Variants in UBAP1 observed in about 807,000 individuals in gnomAD.
The protein encoded by UBAP1 is ubiquitin-associated protein 1.
Under a neutral mutation model 39.0 loss-of-function variants are expected in UBAP1, and 5 were observed. The observed-to-expected ratio is 0.13, with a 90% CI of 0.07 to 0.27. The LOEUF is 0.27. Among genes scored for constraint, UBAP1 ranks in the 10% least tolerant of loss-of-function variants. The probability of loss-of-function intolerance (pLI) is 1.00; values close to 1 mark genes in which losing one functional copy is unlikely to be tolerated. For synonymous variants in UBAP1, 211 were observed against 225.1 expected (o/e 0.94, Z 0.56); for missense variants, 490 against 608.1 (o/e 0.81, Z 2.04).
intron 6 of UBAP1, 103 bp downstream of exon 6, chr9:34,250,862 G>GTGAC: frequency 2.2e-6 from 2 of 904,604 alleles, no homozygotes. Context: ...TGCTTTGCCA[G>GTGAC]TGACTACAGG....
chr9:34,249,983 AG>A, intron 5 of UBAP1, 22 bp downstream of exon 5: 1 of 1,612,566 alleles, frequency 6.2e-7, no homozygotes, highest in Non-Finnish European at 8.5e-7. Context: ...GTCAGCCAGG[AG>A]GGCAGGCTCA....
chr9:34,236,870 A>G (rs1376719847), intron 3 of UBAP1, among the ~76,000 whole-genome samples: 2 of 152,114 alleles, frequency 1.3e-5, no homozygotes, highest in Non-Finnish European at 2.9e-5. Context: ...TAGTCTAGAC[A>G]TAAGGTTATG....
At chr9:34,180,795 C>A (rs928343167) in intron 1 of UBAP1, among the ~76,000 whole-genome samples, 4 of 144,312 alleles carry the variant, frequency 2.8e-5, no homozygotes, top group African/African-American at 1.0e-4. Context: ...GGAAAAAAAA[C>A]TTTTTTTTTT....
chr9:34,234,146 G>C (rs2131607277), intron 2 of UBAP1, 70 bp from the exon 3 acceptor site: 1 of 1,494,722 alleles, frequency 6.7e-7, no homozygotes. Flanking sequence ...ATATCCGTTA[G>C]ACATAAGATT....
intron 2 of UBAP1, among the ~76,000 whole-genome samples, chr9:34,221,356 C>T (rs1049139496): frequency 3.3e-5 from 5 of 151,794 alleles, no homozygotes; most frequent in African/African-American, 7.3e-5. Flanking sequence ...GGTGAAACCC[C>T]GTCTCTACTA....
intron 1 of UBAP1, among the ~76,000 whole-genome samples, chr9:34,209,232 C>A (rs752151360): frequency 1.3e-5 from 2 of 152,130 alleles, no homozygotes; most frequent in African/African-American, 2.4e-5. Context: ...TGAGCCACCA[C>A]GCCTGGCCTG....
intron 5 of UBAP1, among the ~76,000 whole-genome samples, chr9:34,250,222 A>T (rs544945250): frequency 6.6e-6 from 1 of 152,332 alleles, no homozygotes; most frequent in African/African-American, 2.4e-5. Flanking sequence ...CTGCCTCTCC[A>T]AAAGGGGCAG....
chr9:34,183,098 T>C (rs931080149), intron 1 of UBAP1, among the ~76,000 whole-genome samples: 6 of 152,140 alleles, frequency 3.9e-5, no homozygotes, highest in African/African-American at 1.4e-4. Context: ...AGTTATGTTA[T>C]TGAATGTATT....
intron 2 of UBAP1, among the ~76,000 whole-genome samples, chr9:34,233,133 T>G (rs1833513208): frequency 1.3e-5 from 2 of 152,170 alleles, no homozygotes; most frequent in African/African-American, 4.8e-5. Flanking sequence ...TTTGTCGGGT[T>G]TTCCCCTTTT....
intron 1 of UBAP1, among the ~76,000 whole-genome samples, chr9:34,179,449 C>T (rs1027380780): frequency 6.6e-6 from 1 of 151,152 alleles, no homozygotes. Flanking sequence ...GTTGAAGGGG[C>T]GGAGGGGAAG....
intron 2 of UBAP1, 106 bp from the exon 3 acceptor site, chr9:34,234,110 A>T: frequency 8.4e-7 from 1 of 1,186,900 alleles, no homozygotes; most frequent in South Asian, 1.7e-5. Flanking sequence ...TGTAACTTCT[A>T]GACTTAGGAT....
intron 1 of UBAP1, among the ~76,000 whole-genome samples, chr9:34,181,406 G>A (rs1328409447): frequency 2.0e-5 from 3 of 150,382 alleles, no homozygotes; most frequent in Non-Finnish European, 4.4e-5. Context: ...GTGAGCCACC[G>A]CGCCCGGCCT....
chr9:34,183,088 A>G (rs1428204385), intron 1 of UBAP1, among the ~76,000 whole-genome samples: 1 of 151,938 alleles, frequency 6.6e-6, no homozygotes, highest in African/African-American at 2.4e-5. Context: ...TCTGTTCTTT[A>G]GTTATGTTAT....
chr9:34,242,886 T>C (rs373975458), intron 4 of UBAP1, among the ~76,000 whole-genome samples: 70 of 152,288 alleles, frequency 4.6e-4, no homozygotes, highest in African/African-American at 1.6e-3. Context: ...AAAAGGAGCC[T>C]GAGTATATTG....
At chr9:34,201,544 C>T (rs757681250) in intron 1 of UBAP1, 1 of 152,050 alleles carries the variant, frequency 6.6e-6, no homozygotes, top group Non-Finnish European at 1.5e-5. Context: ...ACTGTCACAA[C>T]AGCAACAACA....
At chr9:34,230,802 A>G (rs1424410107) in intron 2 of UBAP1, among the ~76,000 whole-genome samples, 1 of 152,148 alleles carries the variant, frequency 6.6e-6, no homozygotes, top group Non-Finnish European at 1.5e-5. Flanking sequence ...ATATGCTTGT[A>G]TCATGTATGA....
rs909584761 is a variant in UBAP1 at position 34,252,477 on chromosome 9, CTA to C, written c.*947_*948del. The C allele has an allele frequency of 4.5e-5, 6 of 132,350 alleles. No homozygotes were observed. Among genetic ancestry groups the C allele is most frequent in the African/African-American group, 8.2e-5 (3 of 36,768 alleles). The allele number at this position is 132,350 out of a possible 1,614,324, so 8.2% of individuals were successfully genotyped here. On this transcript the variant is annotated 3_prime_UTR_variant, in exon 7 of 7. Transcript: ENST00000297661. The stretch of plus-strand genomic sequence containing the variant: ...GAATCTAAAATAATTTGCTAACTAA[CTA>C]TTTTGATTCTTCAGAGAGAACTACT...
chr9:34,192,870 T>A (rs7855372), intron 1 of UBAP1, among the ~76,000 whole-genome samples: 2,174 of 150,922 alleles, frequency 0.014, 57 homozygotes, highest in African/African-American at 0.05. Flanking sequence ...CTCTTTTATA[T>A]AAAAATATTA....
intron 2 of UBAP1, among the ~76,000 whole-genome samples, chr9:34,232,081 G>A (rs911094041): frequency 1.3e-5 from 2 of 151,750 alleles, no homozygotes; most frequent in East Asian, 1.9e-4. Context: ...TGCACCTTCC[G>A]CCTCCTAGGT....
Sources: gnomAD v4.1 joint callset for allele counts (sites outside exome capture counted in the v4.1 genomes callset) on GRCh38, gnomAD v4.1.1 for gene constraint, MANE v1.5 for transcripts, NCBI Gene and HGNC (gene_info 2026-07-23, HGNC 2026-07-21) for gene names.